The following PPP1R3F variants were observed in gnomAD, a reference collection of about 807,000 sequenced individuals.
The protein encoded by PPP1R3F is protein phosphatase 1 regulatory subunit 3F.
A neutral mutation model predicts 24.2 loss-of-function variants in PPP1R3F; 29 were observed. That is an observed-to-expected ratio of 1.20 (90% CI 0.89 to 1.63). PPP1R3F has a LOEUF of 1.63. PPP1R3F is among the 40% of genes most tolerant of loss of function. PPP1R3F has a pLI of 0.00. For synonymous variants in PPP1R3F, 363 were observed against 340.1 expected, an observed-to-expected ratio of 1.07 and a Z score of -0.74; for missense variants, 823 against 729.3, an observed-to-expected ratio of 1.13 and a Z score of -1.48.
chrX:49,274,101 T>C (rs1389447575), intron 1 of PPP1R3F: 3 of 112,340 alleles, frequency 2.7e-5, no homozygotes, highest in Non-Finnish European at 3.8e-5. Context: ...CTGAGTACTA[T>C]ATTTTCATGC....
intron 1 of PPP1R3F, among the ~76,000 whole-genome samples, chrX:49,272,745 A>G (rs1483802793): frequency 8.9e-6 from 1 of 112,243 alleles, no homozygotes; most frequent in African/African-American, 3.2e-5. Context: ...TTTCTGTGCT[A>G]TGAACATCAG....
intron 3 of PPP1R3F, among the ~76,000 whole-genome samples, chrX:49,297,456 C>T (rs1332474903): frequency 8.2e-5 from 9 of 109,959 alleles, no homozygotes; most frequent in South Asian, 3.8e-4. Flanking sequence ...CCTCGTGATC[C>T]GCCCGCCTCG....
intron 3 of PPP1R3F, among the ~76,000 whole-genome samples, chrX:49,293,567 C>A (rs1375470714): frequency 8.9e-6 from 1 of 112,140 alleles, no homozygotes; most frequent in Non-Finnish European, 1.9e-5. Context: ...AACTAAGGTA[C>A]ACAAAGACAC....
chrX:49,291,336 C>CTGT (rs2066308526), downstream of PPP1R3F, among the ~76,000 whole-genome samples: 1 of 86,256 alleles, frequency 1.2e-5, no homozygotes, highest in Non-Finnish European at 2.5e-5. Context: ...CTGTCTCTCT[C>CTGT]CTTTCTTTCT....
intron 1 of PPP1R3F, among the ~76,000 whole-genome samples, chrX:49,277,229 C>G (rs1255625752): frequency 8.9e-6 from 1 of 112,911 alleles, no homozygotes; most frequent in African/African-American, 3.2e-5. Flanking sequence ...CCACCTCTTT[C>G]CAAATCCTCA....
At chrX:49,271,014 G>T (rs912350809) in intron 1 of PPP1R3F, 141 bp downstream of exon 1, 1 of 588,907 alleles carries the variant, frequency 1.7e-6, no homozygotes, top group Admixed American at 3.9e-5. Flanking sequence ...AAGAGTGATG[G>T]AGGTCAAACA....
chrX:49,297,228 T>TA (rs1557122913), intron 3 of PPP1R3F, among the ~76,000 whole-genome samples: 12 of 104,764 alleles, frequency 1.1e-4, no homozygotes, highest in Non-Finnish European at 2.3e-4. Context: ...TTTATTTATT[T>TA]TTTGAGACAG....
rs781787745 is a variant in PPP1R3F at position 49,270,104 on chromosome X, G to C, written c.235G>C (p.Ala79Pro). ...AGQDGGGGGG[A>P]DEDDDGEDGD... ...GCAAGATGGCGGCGGCGGCGGCGGG[G>C]CCGACGAGGACGACGATGGCGAGGA... The change falls in exon 1 of 4, where the codon GCC (alanine) becomes CCC (proline). Residue 79 changes from alanine to proline, a missense_variant. Ala to Pro is a conservative substitution (Grantham distance 27). Transcript: ENST00000055335. 5.0e-4 allele frequency: 511 copies of C among 1,021,278 alleles called. No individual in the cohort carries two copies. In the African/African-American group the frequency reaches 9.4e-3, roughly 19 times the overall value. The allele number at this position is 1,021,278 out of a possible 1,213,427, so 84.2% of individuals were successfully genotyped here. A position where few individuals can be genotyped will look rare whatever the true frequency, so the allele number is the denominator to read the frequency against.
chrX:49,270,724 C>G lies in PPP1R3F; in HGVS notation c.855C>G (p.Leu285=). ...NNHGRNYTVL[L]RIAPAPTPTD... ...ACGGCCGCAACTACACAGTCCTGCT[C>G]CGGATCGCACCCGCTCCCACACCCA... Residue 285 remains leucine, a synonymous_variant, in exon 1 of 4, where the codon CTC becomes CTG. Transcript: ENST00000055335. 8.3e-7 allele frequency: 1 copy of G among 1,206,016 alleles called. No homozygotes were observed. The highest frequency in any genetic ancestry group is 1.1e-6 in the Non-Finnish European group (1 of 892,770).
intron 1 of PPP1R3F, chrX:49,275,355 C>T (rs2066205999): frequency 9.0e-6 from 1 of 111,695 alleles, no homozygotes. Context: ...CCCTTAGCTT[C>T]ATGTATCCAA....
chrX:49,281,952 G>T, intron 2 of PPP1R3F, 29 bp from the exon 3 acceptor site: 1 of 1,094,590 alleles, frequency 9.1e-7, no homozygotes, highest in Non-Finnish European at 1.3e-6. Context: ...TGCCTGTCTT[G>T]CCCAATGCTG....
Position 49,287,148 on chromosome X carries a change from G to A in PPP1R3F, c.*58G>A. ...TGGGATACATGGCCTGTGCAGTGAG[G>A]GGACCTGGGTCCTTTGCTTCTGAGA... is the stretch of plus-strand genomic sequence containing the variant. On this transcript the variant is annotated 3_prime_UTR_variant, in exon 4 of 4. Coordinates refer to ENST00000055335, the MANE Select transcript of PPP1R3F (RefSeq NM_033215.5). 1 of 1,122,484 alleles carries A rather than the reference G, an allele frequency of 8.9e-7. No homozygotes were observed. Among genetic ancestry groups the A allele is most frequent in the South Asian group, 1.9e-5 (1 of 51,415 alleles). The allele number at this position is 1,122,484 out of a possible 1,213,427, so 92.5% of individuals were successfully genotyped here. A position where few individuals can be genotyped will look rare whatever the true frequency, so the allele number is the denominator to read the frequency against.
Position 49,287,332 on chromosome X carries a change from C to T in PPP1R3F, c.*242C>T. ...CATGTCCTCCGCCTACCCCCCGAGC[C>T]TGTATTTATTTTTGTATAATTCTCT... On this transcript the variant is annotated 3_prime_UTR_variant, in exon 4 of 4. Transcript: ENST00000055335. The T allele has an allele frequency of 2.7e-6, 1 of 368,647 alleles. No individual in the cohort carries two copies. Among genetic ancestry groups the T allele is most frequent in the Non-Finnish European group, 4.6e-6 (1 of 215,703 alleles). 30.4% of individuals were successfully genotyped at this position (368,647 alleles called of 1,213,427 possible). A position where few individuals can be genotyped will look rare whatever the true frequency, so the allele number is the denominator to read the frequency against.
At chrX:49,278,778 G>A (rs2066229822) in intron 1 of PPP1R3F, among the ~76,000 whole-genome samples, 1 of 112,556 alleles carries the variant, frequency 8.9e-6, no homozygotes, top group Non-Finnish European at 1.9e-5. Flanking sequence ...GGGAAATGGG[G>A]AATGAATATG....
intron 1 of PPP1R3F, among the ~76,000 whole-genome samples, chrX:49,271,287 G>A (rs1023828620): frequency 8.9e-6 from 1 of 112,019 alleles, no homozygotes; most frequent in Non-Finnish European, 1.9e-5. Flanking sequence ...GGTGAGTCCC[G>A]AATGATGATA....
chrX:49,270,391 C>T lies in PPP1R3F; in HGVS notation c.522C>T (p.Ser174=), dbSNP rs1971278065. ...LRGLVRVLNR[S]FEKAVHVRAS... is the part of the protein sequence containing the mutation. Reference sequence around the variant, plus strand: ...GGTTGGTACGCGTGCTGAACCGCTCCTTCGAGAAGGCGGTGCACGTGCGGG... The same window carrying T: ...GGTTGGTACGCGTGCTGAACCGCTCTTTCGAGAAGGCGGTGCACGTGCGGG... Residue 174 remains serine, a synonymous_variant, in exon 1 of 4, where the codon TCC becomes TCT. Coordinates refer to ENST00000055335, the MANE Select transcript of PPP1R3F (RefSeq NM_033215.5). The T allele has an allele frequency of 8.6e-7, 1 of 1,167,227 alleles. No homozygotes were observed. The highest frequency in any genetic ancestry group is 1.8e-5 in the African/African-American group (1 of 57,020).
At chrX:49,274,741 T>C (rs1481486454) in intron 1 of PPP1R3F, 1 of 112,053 alleles carries the variant, frequency 8.9e-6, no homozygotes, top group Non-Finnish European at 1.9e-5. Flanking sequence ...TCGTTTCTCC[T>C]CTGAAGTGAC....
At chrX:49,294,762 T>G (rs2066318248) in intron 3 of PPP1R3F, among the ~76,000 whole-genome samples, 2 of 108,298 alleles carry the variant, frequency 1.8e-5, no homozygotes, top group Admixed American at 2.0e-4. Context: ...TACAAAAAAT[T>G]AGCCAGGCGT....
intron 1 of PPP1R3F, among the ~76,000 whole-genome samples, chrX:49,278,634 C>T (rs1457035053): frequency 1.8e-5 from 2 of 111,946 alleles, no homozygotes; most frequent in African/African-American, 6.5e-5. Context: ...GAAAGACAGA[C>T]GGTCCCTTCT....
Sources: allele counts gnomAD v4.1 joint callset (sites outside exome capture counted in the v4.1 genomes callset), GRCh38; gene constraint gnomAD v4.1.1; transcripts MANE v1.5; gene names NCBI Gene and HGNC (gene_info 2026-07-23, HGNC 2026-07-21).